The following PRDM1 variants were observed in gnomAD, a reference collection of about 807,000 sequenced individuals.
PRDM1 encodes PR domain zinc finger protein 1.
Under a neutral mutation model 62.8 loss-of-function variants are expected in PRDM1, and 13 were observed. The observed-to-expected ratio is 0.21, with a 90% confidence interval of 0.13 to 0.33. The LOEUF (loss-of-function observed/expected upper bound fraction) is 0.33, where lower values mean the gene tolerates loss of function less well. Ranked by LOEUF, PRDM1 falls within the 10% of genes least tolerant of loss-of-function variation. The pLI, the probability that PRDM1 is intolerant of heterozygous loss-of-function variation, is 1.00. For synonymous variants in PRDM1, 396 were observed against 417.6 expected (o/e 0.95, Z 0.63); for missense variants, 895 against 1,058.8 (o/e 0.85, Z 2.15).
intron 2 of PRDM1, among the ~76,000 whole-genome samples, chr6:106,091,082 GT>G (rs1488427481): frequency 6.6e-6 from 1 of 152,116 alleles, no homozygotes; most frequent in African/African-American, 2.4e-5. Flanking sequence ...TTTTATGGGG[GT>G]TTTCCCCTTG....
intron 4 of PRDM1, among the ~76,000 whole-genome samples, chr6:106,104,438 C>T (rs1313667009): frequency 3.9e-5 from 6 of 152,072 alleles, no homozygotes; most frequent in African/African-American, 1.2e-4. Context: ...CTCGAACTTC[C>T]GACCTCAGGT....
chr6:106,100,022 A>C (rs1582472459), intron 4 of PRDM1: 1 of 155,494 alleles, frequency 6.4e-6, no homozygotes, highest in Non-Finnish European at 1.4e-5. Context: ...TAATTTTTCA[A>C]TATTATTCTA....
chr6:106,104,191 C>G (rs1222690628), intron 4 of PRDM1, among the ~76,000 whole-genome samples: 1 of 150,756 alleles, frequency 6.6e-6, no homozygotes, highest in Non-Finnish European at 1.5e-5. Context: ...TTTTTCCACT[C>G]CATTAAAATG....
At chr6:106,061,743 G>A (rs1002458365) in intron 1 of PRDM1, among the ~76,000 whole-genome samples, 8 of 152,242 alleles carry the variant, frequency 5.3e-5, no homozygotes, top group Admixed American at 5.2e-4. Flanking sequence ...GCTAATTAGG[G>A]GCAGAGGTCT....
At chr6:106,047,947 C>T (rs1773107107), upstream of PRDM1, among the ~76,000 whole-genome samples, 1 of 152,178 alleles carries the variant, frequency 6.6e-6, no homozygotes, top group Admixed American at 6.5e-5. Flanking sequence ...AGCTGTGAAA[C>T]TGCATATTTG....
chr6:106,032,080 G>C (rs1287886823), intron 1 of PRDM1, among the ~76,000 whole-genome samples: 1 of 152,096 alleles, frequency 6.6e-6, no homozygotes, highest in Non-Finnish European at 1.5e-5. Flanking sequence ...CAGACAAATC[G>C]ACTTTGTTAA....
Position 106,107,157 on chromosome 6 carries a change from G to A in PRDM1, c.2149G>A (p.Gly717Arg). 6.2e-7 allele frequency: 1 copy of A among 1,614,234 alleles called. No homozygotes were observed. The highest frequency in any genetic ancestry group is 2.2e-5 in the East Asian group (1 of 44,888). The part of the protein sequence containing the change: ...KGNCAAAPAP[G>R]LPLEDLTRIN... Reference sequence around the variant, plus strand: ...GAACTGCGCTGCGGCCCCGGCGCCTGGGCTGCCCTTGGAAGATCTGACCCG... The same window carrying A: ...GAACTGCGCTGCGGCCCCGGCGCCTAGGCTGCCCTTGGAAGATCTGACCCG... The change falls in exon 7 of 7, where the codon GGG becomes AGG. Residue 717 changes from glycine to arginine, a missense_variant. Physicochemically the swap from Gly to Arg is moderately radical, Grantham distance 125 (BLOSUM62 -2). This residue lies in a region of PRDM1 where 164 missense variants were observed against 179.9 expected (regional missense o/e 0.91). Transcript: ENST00000369096.
chr6:106,051,748 T>G (rs1773177995), intron 1 of PRDM1, among the ~76,000 whole-genome samples: 1 of 152,226 alleles, frequency 6.6e-6, no homozygotes, highest in Admixed American at 6.5e-5. Context: ...CTGAATTTTC[T>G]TTATAGAAGG....
rs1774548237 is a variant in PRDM1 at position 106,107,861 on chromosome 6, C to A, written c.*375C>A. 1 of 231,898 alleles carries A rather than the reference C, an allele frequency of 4.3e-6. No individual in the cohort carries two copies. The highest frequency in any genetic ancestry group is 8.5e-6 in the Non-Finnish European group (1 of 117,234). The allele number at this position is 231,898 out of a possible 1,614,324, so 14.4% of individuals were successfully genotyped here. On this transcript the variant is annotated 3_prime_UTR_variant, in exon 7 of 7. Coordinates refer to ENST00000369096, the MANE Select transcript of PRDM1 (RefSeq NM_001198.4). ...TGATAATCCTTCATAATTTATTATA[C>A]AATTTATCATTCAGAAAGCAATAAT...
At position 106,107,445 on chromosome 6, in the gene PRDM1, G is replaced by A. The variant is rs2114665547; in HGVS notation, c.2437G>A (p.Val813Ile). 6.2e-7 allele frequency: 1 copy of A among 1,612,588 alleles called. No homozygotes were observed. Among genetic ancestry groups the A allele is most frequent in the Non-Finnish European group, 8.5e-7 (1 of 1,179,436 alleles). ...CAGCAACCCACTACCTCTGGTACCTGTAAAGGTCAAACAAGAAACAGTTGA... is the reference window on the plus strand; with the variant it reads ...CAGCAACCCACTACCTCTGGTACCTATAAAGGTCAAACAAGAAACAGTTGA... ...PPSNPLPLVP[V>I]KVKQETVEPM... Residue 813 changes from valine to isoleucine, a missense_variant, in exon 7 of 7, where the codon GTA (valine) becomes ATA (isoleucine). Val to Ile is a conservative substitution (Grantham distance 29). Transcript: ENST00000369096.
rs145646120 is a variant in PRDM1 at position 106,003,034 on chromosome 6, T to G, written c.-67+9395T>G. ...TTCTTTTTCTTTTTTGTAAGTTGAT[T>G]TATTCCAAGTTAAGAAAGACCAAGA... On this transcript the variant is annotated intron_variant, in intron 1 of 6. Coordinates refer to the PRDM1 transcript ENST00000652320. 9.4e-3 allele frequency among the ~76,000 whole-genome samples: 1,427 copies of G among 152,342 alleles called. 27 individuals carry two copies. Among genetic ancestry groups the G allele is most frequent in the African/African-American group, 0.033 (1,357 of 41,574 alleles).
intron 1 of PRDM1, among the ~76,000 whole-genome samples, chr6:106,025,050 T>A (rs905036007): frequency 2.0e-5 from 3 of 151,808 alleles, no homozygotes; most frequent in Non-Finnish European, 4.4e-5. Flanking sequence ...GAAAAAAAAA[T>A]GTAAAATTAA....
chr6:106,011,427 A>G (rs1772546473), intron 1 of PRDM1, among the ~76,000 whole-genome samples: 1 of 152,144 alleles, frequency 6.6e-6, no homozygotes, highest in African/African-American at 2.4e-5. Flanking sequence ...CCAGCCTGGG[A>G]GAATACCAGG....
At chr6:106,104,502 C>T (rs1774384068) in intron 4 of PRDM1, among the ~76,000 whole-genome samples, 2 of 152,240 alleles carry the variant, frequency 1.3e-5, no homozygotes, top group Non-Finnish European at 2.9e-5. Context: ...AGAGCCACTG[C>T]ATCCAGCTTA....
intron 4 of PRDM1, among the ~76,000 whole-genome samples, chr6:106,103,158 G>A (rs984439890): frequency 1.4e-4 from 21 of 152,122 alleles, no homozygotes; most frequent in African/African-American, 3.4e-4. Flanking sequence ...CCCTGATAGC[G>A]TTCTTCTCTG....
intron 1 of PRDM1, among the ~76,000 whole-genome samples, chr6:106,010,774 T>C (rs963696471): frequency 6.6e-6 from 1 of 152,180 alleles, no homozygotes; most frequent in African/African-American, 2.4e-5. Context: ...GGGGTGCATT[T>C]GTTAACTGCA....
chr6:106,033,348 T>G (rs1772877177), intron 1 of PRDM1, among the ~76,000 whole-genome samples: 1 of 150,364 alleles, frequency 6.7e-6, no homozygotes. Flanking sequence ...AGACAGAATC[T>G]CTCTATATTG....
At chr6:106,079,758 A>T (rs879251117) in intron 1 of PRDM1, among the ~76,000 whole-genome samples, 1 of 152,246 alleles carries the variant, frequency 6.6e-6, no homozygotes, top group Admixed American at 6.5e-5. Context: ...AGATCATGCC[A>T]TTGCACTCTA....
chr6:106,003,127 C>T (rs760571989), intron 1 of PRDM1, among the ~76,000 whole-genome samples: 9 of 152,140 alleles, frequency 5.9e-5, no homozygotes, highest in Non-Finnish European at 1.2e-4. Context: ...AAGATAATTG[C>T]TCATTGATTC....
Sources: gnomAD v4.1 joint callset for allele counts (sites outside exome capture counted in the v4.1 genomes callset) on GRCh38, gnomAD v4.1.1 for gene constraint, gnomAD v4.1.1 regional missense constraint, MANE v1.5 for transcripts, NCBI Gene and HGNC (gene_info 2026-07-23, HGNC 2026-07-21) for gene names.